DLGAP2: variants seen among roughly 807,000 people sequenced by gnomAD.
The protein encoded by DLGAP2 is disks large-associated protein 2.
In DLGAP2, 26 loss-of-function variants were observed where a neutral mutation model predicts 100.3. The ratio of observed to expected loss-of-function variants is 0.26; its 90% CI spans 0.19 to 0.36. The LOEUF (loss-of-function observed/expected upper bound fraction) is 0.36. Ranked by LOEUF, DLGAP2 falls within the 10% of genes least tolerant of loss-of-function variation. The pLI is 1.00. For missense variants in DLGAP2, 1,858 were observed against 1,453.2 expected (o/e 1.28, Z -4.53); for synonymous variants, 886 against 630.1 (o/e 1.41, Z -6.08).
intron 3 of DLGAP2, among the ~76,000 whole-genome samples, chr8:1,418,946 CTT>C (rs961420473): frequency 3.5e-4 from 54 of 152,328 alleles, no homozygotes; most frequent in African/African-American, 1.3e-3. Flanking sequence ...CGGGGAAACA[CTT>C]TACTTGTGTT....
chr8:1,317,343 A>G (rs866059883), intron 3 of DLGAP2, among the ~76,000 whole-genome samples: 288 of 126,396 alleles, frequency 2.3e-3, no homozygotes, highest in Middle Eastern at 4.8e-3. Flanking sequence ...TCTCTCCAAC[A>G]GTGGTCTACA....
At chr8:797,388 T>C (rs1796057977) in intron 1 of DLGAP2, among the ~76,000 whole-genome samples, 1 of 152,276 alleles carries the variant, frequency 6.6e-6, no homozygotes, top group Non-Finnish European at 1.5e-5. Context: ...ATCAATAGTT[T>C]CTTTCCTATT....
chr8:1,348,552 G>A lies in DLGAP2; in HGVS notation c.106+89669G>A, dbSNP rs571919345. ...TTGAGTTCCCACATAGAGCTGCATT[G>A]CACTCGTGGTAGCTATGTGGAGGTT... On this transcript the variant is annotated intron_variant, in intron 3 of 14. Coordinates refer to ENST00000637795, the MANE Select transcript of DLGAP2 (RefSeq NM_001346810.2). Among the ~76,000 whole-genome samples the A allele has an allele frequency of 1.1e-4, 16 of 150,756 alleles. No individual in the cohort carries two copies. The South Asian group carries it at 1.5e-3, about 14-fold the overall frequency.
chr8:1,245,319 C>T (rs921855732), intron 2 of DLGAP2, among the ~76,000 whole-genome samples: 5 of 152,144 alleles, frequency 3.3e-5, no homozygotes, highest in Non-Finnish European at 7.3e-5. Context: ...ATTCATGATA[C>T]TCAAAGATAG....
chr8:1,418,099 C>A (rs1441234197), intron 3 of DLGAP2, among the ~76,000 whole-genome samples: 4 of 152,162 alleles, frequency 2.6e-5, no homozygotes, highest in Non-Finnish European at 5.9e-5. Context: ...TAACTCCTGT[C>A]CCTCCACCAA....
chr8:801,673 C>T (rs1016839748), intron 1 of DLGAP2, among the ~76,000 whole-genome samples: 2 of 152,114 alleles, frequency 1.3e-5, no homozygotes, highest in Non-Finnish European at 2.9e-5. Flanking sequence ...CAGCGGGCTT[C>T]CTGTGATGAG....
At chr8:1,095,125 T>C (rs945851834) in intron 2 of DLGAP2, among the ~76,000 whole-genome samples, 1 of 152,024 alleles carries the variant, frequency 6.6e-6, no homozygotes, top group African/African-American at 2.4e-5. Context: ...TGGACCACCT[T>C]CCCAGGGTGG....
intron 2 of DLGAP2, among the ~76,000 whole-genome samples, chr8:1,159,688 T>G (rs546748598): frequency 6.6e-6 from 1 of 152,368 alleles, no homozygotes; most frequent in Non-Finnish European, 1.5e-5. Context: ...ATATACATTT[T>G]CATTCCGCAG....
At chr8:1,574,361 T>G (rs980968458) in intron 6 of DLGAP2, among the ~76,000 whole-genome samples, 1 of 152,006 alleles carries the variant, frequency 6.6e-6, no homozygotes, top group African/African-American at 2.4e-5. Context: ...CCCTCGCCGC[T>G]CTGGTAACTG....
intron 2 of DLGAP2, among the ~76,000 whole-genome samples, chr8:1,096,262 C>G (rs1334927849): frequency 1.3e-5 from 2 of 152,228 alleles, no homozygotes; most frequent in Non-Finnish European, 2.9e-5. Flanking sequence ...CTTATAAAAT[C>G]AAGCCTTGCC....
At chr8:1,555,497 G>A (rs1374727731) in intron 5 of DLGAP2, among the ~76,000 whole-genome samples, 1 of 152,198 alleles carries the variant, frequency 6.6e-6, no homozygotes, top group Admixed American at 6.5e-5. Flanking sequence ...GACTGCCACA[G>A]AATCCTCTCC....
In DLGAP2 at chr8:1,131,241, G is replaced by T. The variant is rs572936403; in HGVS notation, c.74-127610G>T. Among the ~76,000 whole-genome samples the T allele has an allele frequency of 2.0e-3, 311 of 152,196 alleles. 1 individual carries two copies. The highest frequency in any genetic ancestry group is 4.7e-3 in the Admixed American group (72 of 15,286). ...AGTCAGGGGTGCCGGGCACGTGCCT[G>T]CTTTCAGGAAAAACGAGTGACTGGC... On this transcript the variant is annotated intron_variant, in intron 2 of 14. Transcript: ENST00000637795.
chr8:1,024,049 G>T (rs62488482), intron 2 of DLGAP2, among the ~76,000 whole-genome samples: 1 of 151,702 alleles, frequency 6.6e-6, no homozygotes, highest in Non-Finnish European at 1.5e-5. Flanking sequence ...TGCCATGTGC[G>T]GTGTGGGGTG....
chr8:832,962 C>G (rs1796808759), intron 1 of DLGAP2, among the ~76,000 whole-genome samples: 1 of 152,202 alleles, frequency 6.6e-6, no homozygotes, highest in Admixed American at 6.5e-5. Context: ...TCTCTCACAA[C>G]TCTGGTTTCT....
At chr8:1,216,886 T>C (rs1440015813) in intron 2 of DLGAP2, among the ~76,000 whole-genome samples, 4 of 152,130 alleles carry the variant, frequency 2.6e-5, no homozygotes, top group Non-Finnish European at 5.9e-5. Flanking sequence ...AAATATGAGG[T>C]GTTTAATCCC....
Position 1,026,195 on chromosome 8 carries a change from T to C in DLGAP2, c.73+118229T>C, listed in dbSNP as rs189156458. Among the ~76,000 whole-genome samples, 196 of 152,256 alleles carry C rather than the reference T, an allele frequency of 1.3e-3. 2 individuals carry two copies. The highest frequency in any genetic ancestry group is 4.5e-3 in the African/African-American group (186 of 41,552). ...AATCGTTGTCACCTCATCCAGGACG[T>C]GCCTCACGATCGTGCTGTCTCGTTG... On this transcript the variant is annotated intron_variant, in intron 2 of 14. Coordinates refer to ENST00000637795, the MANE Select transcript of DLGAP2 (RefSeq NM_001346810.2).
At chr8:1,247,420 A>C (rs111853348) in intron 2 of DLGAP2, among the ~76,000 whole-genome samples, 1 of 61,232 alleles carries the variant, frequency 1.6e-5, no homozygotes, top group African/African-American at 7.7e-5. Context: ...GTGTGGGAGT[A>C]ATGGCCCATG....
At chr8:1,609,118 A>C (rs1346812191) in intron 6 of DLGAP2, among the ~76,000 whole-genome samples, 1 of 129,372 alleles carries the variant, frequency 7.7e-6, no homozygotes, top group Admixed American at 8.3e-5. Context: ...ATGAAGGAAA[A>C]AATGTTAAGG....
At chr8:1,249,848 G>A (rs575824919) in intron 2 of DLGAP2, among the ~76,000 whole-genome samples, 5 of 152,268 alleles carry the variant, frequency 3.3e-5, no homozygotes, top group African/African-American at 1.2e-4. Context: ...CTGAGACCTT[G>A]TTTTTCCTTA....
Sources: gnomAD v4.1 joint callset for allele counts (sites outside exome capture counted in the v4.1 genomes callset) on GRCh38, gnomAD v4.1.1 for gene constraint, MANE v1.5 for transcripts, NCBI Gene and HGNC (gene_info 2026-07-23, HGNC 2026-07-21) for gene names.